The following PRAG1 variants were observed in gnomAD, a reference collection of about 807,000 sequenced individuals.
PRAG1 encodes PEAK1 related, kinase-activating pseudokinase 1.
A neutral mutation model predicts 95.6 loss-of-function variants in PRAG1; 110 were observed. The ratio of observed to expected loss-of-function variants is 1.15; its 90% CI spans 0.99 to 1.35. The LOEUF is 1.35. Ranked by LOEUF, PRAG1 falls within the 40% of genes most tolerant of loss-of-function variation. The pLI, the probability that PRAG1 is intolerant of heterozygous loss-of-function variation, is 0.00. For missense variants in PRAG1, 2,554 were observed against 1,864.7 expected (o/e 1.37, Z -6.81); for synonymous variants, 1,052 against 819.4 (o/e 1.28, Z -4.85).
At chr8:8,356,408 C>A (rs1799684287) in intron 3 of PRAG1, among the ~76,000 whole-genome samples, 1 of 152,128 alleles carries the variant, frequency 6.6e-6, no homozygotes, top group East Asian at 1.9e-4. Flanking sequence ...TGCAGTGGTG[C>A]AATCATGGCT....
intron 3 of PRAG1, among the ~76,000 whole-genome samples, chr8:8,352,346 C>A (rs540442452): frequency 6.6e-6 from 1 of 152,204 alleles, no homozygotes; most frequent in Non-Finnish European, 1.5e-5. Context: ...TTCTGGATAT[C>A]CCCAAGCATT....
At chr8:8,368,671 T>C (rs188343870) in intron 3 of PRAG1, among the ~76,000 whole-genome samples, 7 of 152,282 alleles carry the variant, frequency 4.6e-5, no homozygotes, top group Non-Finnish European at 7.4e-5. Context: ...AGATCAAATG[T>C]AGGCTGGCCA....
At chr8:8,365,564 T>G (rs1799973408) in intron 3 of PRAG1, among the ~76,000 whole-genome samples, 1 of 150,572 alleles carries the variant, frequency 6.6e-6, no homozygotes, top group Non-Finnish European at 1.5e-5. Flanking sequence ...TTGGAGGTTG[T>G]GGTGAGCTGA....
At chr8:8,345,997 C>T (rs889575932) in intron 3 of PRAG1, among the ~76,000 whole-genome samples, 2 of 152,110 alleles carry the variant, frequency 1.3e-5, no homozygotes, top group Admixed American at 1.3e-4. Context: ...TTGTTTGGGT[C>T]TTTACACTGT....
intron 3 of PRAG1, among the ~76,000 whole-genome samples, chr8:8,361,606 AATCT>A (rs1216912868): frequency 2.0e-5 from 3 of 152,224 alleles, no homozygotes; most frequent in African/African-American, 7.2e-5. Flanking sequence ...GAGCATAATC[AATCT>A]ATTTCTTCTT....
At chr8:8,326,638 G>C (rs996348205) in intron 5 of PRAG1, among the ~76,000 whole-genome samples, 1 of 152,252 alleles carries the variant, frequency 6.6e-6, no homozygotes, top group African/African-American at 2.4e-5. Flanking sequence ...GTGCAATACA[G>C]TGTGGGTAGC....
intron 3 of PRAG1, among the ~76,000 whole-genome samples, chr8:8,348,727 C>A (rs1799425955): frequency 6.6e-6 from 1 of 152,158 alleles, no homozygotes; most frequent in African/African-American, 2.4e-5. Flanking sequence ...TTCTCTGACC[C>A]TTCTCATCCT....
At chr8:8,333,304 T>C (rs1305766726) in intron 4 of PRAG1, among the ~76,000 whole-genome samples, 1 of 152,216 alleles carries the variant, frequency 6.6e-6, no homozygotes, top group East Asian at 1.9e-4. Flanking sequence ...GAATTTCCAA[T>C]TCTGCATATA....
intron 3 of PRAG1, among the ~76,000 whole-genome samples, chr8:8,356,997 G>T (rs950860483): frequency 6.6e-6 from 1 of 152,078 alleles, no homozygotes; most frequent in Non-Finnish European, 1.5e-5. Context: ...AAATGAAAGT[G>T]GACCCTTGCC....
At chr8:8,357,258 G>T (rs1241614392) in intron 3 of PRAG1, among the ~76,000 whole-genome samples, 1 of 152,132 alleles carries the variant, frequency 6.6e-6, no homozygotes, top group Non-Finnish European at 1.5e-5. Context: ...CACATGGATT[G>T]GGAGAATATA....
chr8:8,343,811 C>T (rs1799246934), intron 3 of PRAG1, among the ~76,000 whole-genome samples: 1 of 152,144 alleles, frequency 6.6e-6, no homozygotes, highest in Non-Finnish European at 1.5e-5. Context: ...AGATGTCTTG[C>T]ATGTGGGCAA....
At chr8:8,362,605 GC>G (rs1799877920) in intron 3 of PRAG1, among the ~76,000 whole-genome samples, 1 of 152,204 alleles carries the variant, frequency 6.6e-6, no homozygotes, top group East Asian at 1.9e-4. Context: ...TCCTGGATGA[GC>G]CCCCAAACTG....
At chr8:8,373,563 C>A (rs540802350) in intron 3 of PRAG1, among the ~76,000 whole-genome samples, 1 of 151,948 alleles carries the variant, frequency 6.6e-6, no homozygotes, top group Non-Finnish European at 1.5e-5. Flanking sequence ...CATCCTCCCA[C>A]CTCAGCCCCC....
chr8:8,318,473 T>C lies in PRAG1; in HGVS notation c.3902A>G (p.Gln1301Arg), dbSNP rs1373731303. 1.9e-6 allele frequency: 3 copies of C among 1,612,230 alleles called. No homozygotes were observed. The East Asian group carries it at 6.7e-5, about 36-fold the overall frequency. Residue 1301 changes from glutamine (Q) to arginine (R), a missense_variant, in exon 6 of 6, where the codon CAG (glutamine) becomes CGG (arginine). Physicochemically the swap from Gln to Arg is conservative, Grantham distance 43. Coordinates refer to ENST00000615670, the MANE Select transcript of PRAG1 (RefSeq NM_001080826.3). The surrounding 1 kb of genome is among the most constrained non-coding windows in gnomAD (Gnocchi z 4.2). Reference sequence around the variant, plus strand: ...CTCCAGTAGCAGATGTGCCAGCTGCTGCAGGCCGGGTGAGTAGAGGGACAG... The same window carrying C: ...CTCCAGTAGCAGATGTGCCAGCTGCCGCAGGCCGGGTGAGTAGAGGGACAG... ...PALSLYSPGL[Q>R]QLAHLLLEAD...
intron 3 of PRAG1, among the ~76,000 whole-genome samples, chr8:8,353,799 C>A (rs1341428547): frequency 6.6e-6 from 1 of 150,924 alleles, no homozygotes; most frequent in African/African-American, 2.4e-5. Context: ...AGAGTGAGGC[C>A]CTGTTTCAAA....
chr8:8,336,246 A>G (rs772624208), intron 4 of PRAG1, among the ~76,000 whole-genome samples: 1 of 152,214 alleles, frequency 6.6e-6, no homozygotes, highest in Non-Finnish European at 1.5e-5. Context: ...GGTATCCTAC[A>G]TCAAAGAGGG....
At chr8:8,363,106 T>TATATAC (rs540444482) in intron 3 of PRAG1, among the ~76,000 whole-genome samples, 27 of 148,816 alleles carry the variant, frequency 1.8e-4, no homozygotes, top group African/African-American at 6.6e-4. Flanking sequence ...TATATATATA[T>TATATAC]ACTTATATAT....
intron 3 of PRAG1, among the ~76,000 whole-genome samples, chr8:8,341,675 T>A (rs1009341464): frequency 2.6e-5 from 4 of 152,242 alleles, no homozygotes; most frequent in African/African-American, 9.6e-5. Context: ...AATTAAGCCA[T>A]CCTTGCACAT....
chr8:8,385,044 G>C (rs1372571023), intron 1 of PRAG1, among the ~76,000 whole-genome samples: 1 of 152,182 alleles, frequency 6.6e-6, no homozygotes. Context: ...AGATCTTTAA[G>C]ATTAAATATT....
Sources: allele counts gnomAD v4.1 joint callset (sites outside exome capture counted in the v4.1 genomes callset), GRCh38; gene constraint gnomAD v4.1.1; non-coding constraint Gnocchi (gnomAD v3.1); transcripts MANE v1.5; gene names NCBI Gene and HGNC (gene_info 2026-07-23, HGNC 2026-07-21).